Variants in EXOC4 observed in about 807,000 individuals in gnomAD.
The protein encoded by EXOC4 is exocyst complex component 4.
Under a neutral mutation model 107.2 loss-of-function variants are expected in EXOC4, and 71 were observed. That is an observed-to-expected ratio of 0.66 (90% CI 0.55 to 0.81). The LOEUF is 0.81. Among genes scored for constraint, EXOC4 ranks in the 30% least tolerant of loss-of-function variants. The pLI is 0.00. For missense variants in EXOC4, 1,108 were observed against 1,189.6 expected (o/e 0.93, Z 1.01); for synonymous variants, 456 against 441.2 (o/e 1.03, Z -0.42).
At chr7:134,001,094 T>G (rs1171638402) in intron 15 of EXOC4, among the ~76,000 whole-genome samples, 1 of 152,146 alleles carries the variant, frequency 6.6e-6, no homozygotes, top group Non-Finnish European at 1.5e-5. Context: ...GTTTGAAGCA[T>G]AAAGCAAATG....
At chr7:133,961,043 G>A (rs1396785719) in intron 14 of EXOC4, among the ~76,000 whole-genome samples, 1 of 152,130 alleles carries the variant, frequency 6.6e-6, no homozygotes, top group Non-Finnish European at 1.5e-5. Context: ...CCTGAGAATA[G>A]GGAGGTTATC....
rs190227977 is a variant in EXOC4, at chr7:133,256,677, T to C, written c.86+3490T>C. On this transcript the variant is annotated intron_variant, in intron 1 of 17. Coordinates refer to ENST00000253861, the MANE Select transcript of EXOC4 (RefSeq NM_021807.4). ...CTTGCTCAGATGTGTAAAAATGTAA[T>C]TTCTGTACTACATTATGTATCATAA... Among the ~76,000 whole-genome samples, 15 of 152,348 alleles carry C rather than the reference T, an allele frequency of 9.8e-5. No individual in the cohort carries two copies. In the East Asian group the frequency reaches 2.7e-3, roughly 27 times the overall value.
rs960988505 is a variant in EXOC4, at chr7:133,787,973, A to T, written c.1515-29352A>T. On this transcript the variant is annotated intron_variant, in intron 10 of 17. Transcript: ENST00000253861. ...CATATATTTATATATTTATATATAT[A>T]TATATATATATATATATATATATAT... 4.8e-4 allele frequency among the ~76,000 whole-genome samples: 19 copies of T among 39,242 alleles called. 1 individual carries two copies. Among genetic ancestry groups the T allele is most frequent in the African/African-American group, 1.5e-3 (14 of 9,430 alleles). 25.7% of individuals were successfully genotyped at this position (39,242 alleles called of 152,430 possible).
intron 13 of EXOC4, among the ~76,000 whole-genome samples, chr7:133,928,506 A>G (rs1800101340): frequency 6.6e-6 from 1 of 151,950 alleles, no homozygotes; most frequent in African/African-American, 2.4e-5. Flanking sequence ...AATTGTTTCC[A>G]CTTCCTAGTC....
intron 12 of EXOC4, among the ~76,000 whole-genome samples, chr7:133,901,333 A>G (rs1799447133): frequency 1.3e-5 from 2 of 152,144 alleles, no homozygotes; most frequent in Admixed American, 6.5e-5. Context: ...GTCCAACAGC[A>G]TAAGACTAAG....
At chr7:133,835,894 A>C (rs189208148) in intron 11 of EXOC4, among the ~76,000 whole-genome samples, 2 of 152,202 alleles carry the variant, frequency 1.3e-5, no homozygotes. Flanking sequence ...CTGGCTCATG[A>C]AACTATTGAC....
intron 11 of EXOC4, among the ~76,000 whole-genome samples, chr7:133,859,352 G>A (rs1033104303): frequency 6.6e-6 from 1 of 152,132 alleles, no homozygotes; most frequent in African/African-American, 2.4e-5. Context: ...ATCTAAAGAC[G>A]AATTATCTCC....
chr7:134,055,954 A>C (rs1355133602), intron 17 of EXOC4, among the ~76,000 whole-genome samples: 4 of 152,228 alleles, frequency 2.6e-5, no homozygotes, highest in African/African-American at 9.6e-5. Flanking sequence ...TTTGCTTTGA[A>C]GAAATCCTTT....
chr7:133,671,304 C>G (rs1355876688), intron 10 of EXOC4, among the ~76,000 whole-genome samples: 2 of 152,160 alleles, frequency 1.3e-5, no homozygotes, highest in African/African-American at 4.8e-5. Context: ...TGGCTCATGT[C>G]TGTAATCACA....
intron 10 of EXOC4, among the ~76,000 whole-genome samples, chr7:133,786,278 C>T (rs1279279681): frequency 6.6e-6 from 1 of 152,158 alleles, no homozygotes; most frequent in Admixed American, 6.5e-5. Flanking sequence ...CATTACAAGA[C>T]CCAGTTATCG....
chr7:133,303,441 C>CA (rs1202643975), intron 3 of EXOC4, among the ~76,000 whole-genome samples: 4 of 151,290 alleles, frequency 2.6e-5, no homozygotes, highest in Admixed American at 6.6e-5. Context: ...CTCAAAAAAA[C>CA]AAAAAAAAGA....
chr7:133,324,062 C>T (rs1795177850), intron 5 of EXOC4, among the ~76,000 whole-genome samples: 1 of 152,104 alleles, frequency 6.6e-6, no homozygotes, highest in Non-Finnish European at 1.5e-5. Flanking sequence ...GTGATATCCC[C>T]TTTGTCATTT....
At chr7:133,432,543 T>G (rs562835080) in intron 7 of EXOC4, among the ~76,000 whole-genome samples, 1 of 152,332 alleles carries the variant, frequency 6.6e-6, no homozygotes, top group Non-Finnish European at 1.5e-5. Context: ...CCCCTTTATA[T>G]CTGCATCCCA....
intron 10 of EXOC4, among the ~76,000 whole-genome samples, chr7:133,747,368 A>G (rs1229579628): frequency 6.6e-6 from 1 of 152,196 alleles, no homozygotes; most frequent in Non-Finnish European, 1.5e-5. Context: ...TACGCTGAGT[A>G]GAAGGAATAA....
At chr7:133,611,250 C>T (rs545899409) in intron 9 of EXOC4, among the ~76,000 whole-genome samples, 10 of 152,184 alleles carry the variant, frequency 6.6e-5, no homozygotes, top group East Asian at 3.9e-4. Flanking sequence ...GTCACTTTAG[C>T]GTGGTTGATG....
intron 9 of EXOC4, among the ~76,000 whole-genome samples, chr7:133,523,327 C>T (rs973185540): frequency 6.6e-6 from 1 of 151,980 alleles, no homozygotes; most frequent in Non-Finnish European, 1.5e-5. Context: ...TGGGGAGGTC[C>T]ATGTAACATT....
intron 2 of EXOC4, among the ~76,000 whole-genome samples, chr7:133,283,106 A>G (rs1794194868): frequency 6.6e-6 from 1 of 152,182 alleles, no homozygotes. Context: ...GCAAATGACA[A>G]GAGTTCCTTT....
intron 11 of EXOC4, among the ~76,000 whole-genome samples, chr7:133,829,840 G>A (rs1408933290): frequency 2.0e-5 from 3 of 152,140 alleles, no homozygotes; most frequent in Non-Finnish European, 4.4e-5. Context: ...GGAAAAGGCA[G>A]CATGCAGCCA....
At position 133,325,545 on chromosome 7, in the gene EXOC4, C is replaced by G. The variant is rs1795217967; in HGVS notation, c.763+8155C>G. Among the ~76,000 whole-genome samples the G allele has an allele frequency of 1.3e-5, 2 of 152,222 alleles. 1 individual carries two copies. The highest frequency in any genetic ancestry group is 4.1e-4 in the South Asian group (2 of 4,832). ...AGAATGTTGTATATTGGCCCCCACT[C>G]TCTTCTGGCTTGTAGAGTTTCTGCC... On this transcript the variant is annotated intron_variant, in intron 5 of 17. Coordinates refer to ENST00000253861, the MANE Select transcript of EXOC4 (RefSeq NM_021807.4).
Sources: gnomAD v4.1 joint callset for allele counts (sites outside exome capture counted in the v4.1 genomes callset) on GRCh38, gnomAD v4.1.1 for gene constraint, MANE v1.5 for transcripts, NCBI Gene and HGNC (gene_info 2026-07-23, HGNC 2026-07-21) for gene names.